DUOX1: variants seen among roughly 807,000 people sequenced by gnomAD.
The protein encoded by DUOX1 is dual oxidase 1, also known as NADPH thyroid oxidase 1.
Under a neutral mutation model 181.8 loss-of-function variants are expected in DUOX1, and 134 were observed. The observed-to-expected ratio is 0.74, with a 90% confidence interval of 0.64 to 0.85. The LOEUF (loss-of-function observed/expected upper bound fraction) is 0.85. Among genes scored for constraint, DUOX1 ranks in the 40% least tolerant of loss-of-function variants. DUOX1 has a pLI of 0.00. For missense variants in DUOX1, 1,814 were observed against 2,064.4 expected, an observed-to-expected ratio of 0.88 and a Z score of 2.35; for synonymous variants, 798 against 832.5, an observed-to-expected ratio of 0.96 and a Z score of 0.71.
intron 28 of DUOX1, among the ~76,000 whole-genome samples, chr15:45,159,088 C>T (rs900814796): frequency 1.3e-5 from 2 of 152,102 alleles, no homozygotes; most frequent in African/African-American, 4.8e-5. Flanking sequence ...GGCATGAGCA[C>T]AGGCAGAGGT....
chr15:45,155,614 G>T, intron 27 of DUOX1, 188 bp from the exon 28 acceptor site: 20 of 647,736 alleles, frequency 3.1e-5, no homozygotes, highest in Non-Finnish European at 4.8e-5. Flanking sequence ...GCTATGAAAA[G>T]TGAACAATGT....
intron 4 of DUOX1, among the ~76,000 whole-genome samples, chr15:45,134,563 T>C (rs557356452): frequency 1.3e-5 from 2 of 151,844 alleles, no homozygotes; most frequent in Non-Finnish European, 2.9e-5. Flanking sequence ...AAAAGGGGCA[T>C]CCCTCCTCGT....
At chr15:45,138,080 G>GTA in intron 10 of DUOX1, 66 bp downstream of exon 10, 2 of 786,426 alleles carry the variant, frequency 2.5e-6, no homozygotes, top group South Asian at 2.8e-5. Flanking sequence ...GTGTGTGTAT[G>GTA]TGTGTGTGTG....
Position 45,151,898 on chromosome 15 carries a change from G to A in DUOX1, c.3039G>A (p.Leu1013=). 2 of 1,612,876 alleles carry A rather than the reference G, an allele frequency of 1.2e-6. No individual in the cohort carries two copies. Among genetic ancestry groups the A allele is most frequent in the Non-Finnish European group, 1.7e-6 (2 of 1,179,532 alleles). The change falls in exon 24 of 34, where the codon CTG becomes CTA. Residue 1013 remains leucine, a synonymous_variant. Coordinates refer to ENST00000389037, the MANE Select transcript of DUOX1 (RefSeq NM_175940.3). ...GKKVTSFQPL[L]FTEAHREKFQ... is the part of the protein sequence containing the mutation. ...GGGTAACGTCATTCCAGCCCTTGCT[G>A]TTCACTGAGGCGCACCGAGAGAAGT...
chr15:45,164,664 T>G, intron 33 of DUOX1, 115 bp from the exon 34 acceptor site: 1 of 1,112,764 alleles, frequency 9.0e-7, no homozygotes, highest in Non-Finnish European at 1.3e-6. Flanking sequence ...GAGTCAGGGA[T>G]GTTGCTATGT....
chr15:45,152,313 G>A lies in DUOX1; in HGVS notation c.3221G>A (p.Gly1074Asp). The A allele has an allele frequency of 6.2e-7, 1 of 1,614,018 alleles. No homozygotes were observed. Among genetic ancestry groups the A allele is most frequent in the Non-Finnish European group, 8.5e-7 (1 of 1,179,954 alleles). The part of the protein sequence containing the change: ...YYYAFAAHHT[G>D]ITDTTRVGII... ...TACGCCTTTGCCGCACATCACACGG[G>A]CATCACAGACACCACCCGCGTGGGA... is the stretch of plus-strand genomic sequence containing the variant. Residue 1074 changes from glycine (G) to aspartate (D), a missense_variant, in exon 25 of 34, where the codon GGC (glycine) becomes GAC (aspartate). Gly to Asp is a moderately conservative substitution (Grantham distance 94, BLOSUM62 -1). Transcript: ENST00000389037.
Position 45,147,480 on chromosome 15 carries a change from C to T in DUOX1, c.2370C>T (p.Ser790=). The T allele has an allele frequency of 1.2e-6, 2 of 1,614,108 alleles. No homozygotes were observed. Among genetic ancestry groups the T allele is most frequent in the Non-Finnish European group, 1.7e-6 (2 of 1,180,008 alleles). The change falls in exon 19 of 34, where the codon TCC becomes TCT. Residue 790 remains serine, a synonymous_variant. Coordinates refer to ENST00000389037, the MANE Select transcript of DUOX1 (RefSeq NM_175940.3). ...QADAGTLPLD[S]SQKVREALTC... is the part of the protein sequence containing the mutation. The stretch of plus-strand genomic sequence containing the variant: ...ACGCAGGGACCCTGCCCCTGGACTC[C>T]TCCCAGAAGGTGCGGGAGGCCCTGA...
At chr15:45,157,038 T>C (rs1481893244) in intron 28 of DUOX1, among the ~76,000 whole-genome samples, 2 of 152,120 alleles carry the variant, frequency 1.3e-5, no homozygotes, top group Non-Finnish European at 2.9e-5. Flanking sequence ...GGGCTCTCCT[T>C]TGTGCCGAGA....
chr15:45,162,583 C>T (rs775494968), intron 31 of DUOX1, among the ~76,000 whole-genome samples: 7 of 152,210 alleles, frequency 4.6e-5, no homozygotes, highest in Non-Finnish European at 8.8e-5. Flanking sequence ...GCGGATGCCT[C>T]CAGAATCCTG....
intron 26 of DUOX1, 124 bp from the exon 27 acceptor site, chr15:45,153,820 GAGGTTGC>G (rs1486400349): frequency 1.3e-6 from 1 of 799,716 alleles, no homozygotes; most frequent in African/African-American, 1.7e-5. Flanking sequence ...CCAGGAGGTG[GAGGTTGC>G]AGTGAGCCAA....
chr15:45,142,586 A>G (rs1896528918), intron 15 of DUOX1, among the ~76,000 whole-genome samples: 1 of 152,020 alleles, frequency 6.6e-6, no homozygotes, highest in African/African-American at 2.4e-5. Context: ...TTAGCCGGGC[A>G]TGGTGGCGCA....
At chr15:45,143,158 G>A (rs765512371) in intron 15 of DUOX1, 32 bp from the exon 16 acceptor site, 10 of 1,575,942 alleles carry the variant, frequency 6.3e-6, no homozygotes, top group African/African-American at 2.7e-5. Context: ...AGACCCCCAC[G>A]TCTCCCTGAA....
intron 28 of DUOX1, among the ~76,000 whole-genome samples, chr15:45,160,360 G>A (rs572671752): frequency 3.3e-4 from 50 of 152,302 alleles, no homozygotes; most frequent in African/African-American, 1.2e-3. Context: ...AGAAAGGACT[G>A]GCCGTGTTTG....
rs1363844091 is a variant in DUOX1, at chr15:45,163,925, C to T, written c.4533+7C>T. 5 of 1,613,510 alleles carry T rather than the reference C, an allele frequency of 3.1e-6. No individual in the cohort carries two copies. The highest frequency in any genetic ancestry group is 4.2e-6 in the Non-Finnish European group (5 of 1,179,704). On this transcript the variant is annotated splice_region_variant and intron_variant, in intron 33 of 33. Coordinates refer to ENST00000389037, the MANE Select transcript of DUOX1 (RefSeq NM_175940.3). ...GCAGGAGGTCCACCCCCAGGTCAGT[C>T]CAACCCATAACCAGGTTCTCTTCCT...
intron 19 of DUOX1, 115 bp from the exon 20 acceptor site, chr15:45,147,789 G>A (rs1567015096): frequency 2.6e-6 from 4 of 1,522,878 alleles, no homozygotes; most frequent in African/African-American, 1.4e-5. Flanking sequence ...GAAGCAGAGC[G>A]ACCCTTGCTG....
In DUOX1 at chr15:45,151,175, T is replaced by G. The variant is rs1362849000; in HGVS notation, c.2941T>G (p.Leu981Val). 6.2e-7 allele frequency: 1 copy of G among 1,613,986 alleles called. No homozygotes were observed. The highest frequency in any genetic ancestry group is 1.7e-5 in the Admixed American group (1 of 59,994). The change falls in exon 23 of 34, where the codon TTG (leucine) becomes GTG (valine). Residue 981 changes from leucine to valine, a missense_variant. Transcript: ENST00000389037. ...RCSRSDIETE[L>V]TPQRLQCPMD... ...TTCCCGCAGCGACATTGAGACTGAG[T>G]TGACACCTCAGAGACTGCAGTGCCC... is the stretch of plus-strand genomic sequence containing the variant.
rs549243852 is a variant in DUOX1 at position 45,134,146 on chromosome 15, C to A, written c.144C>A (p.Gly48=). 2 of 1,550,746 alleles carry A rather than the reference C, an allele frequency of 1.3e-6. No individual in the cohort carries two copies. Among genetic ancestry groups the A allele is most frequent in the Non-Finnish European group, 8.7e-7 (1 of 1,154,026 alleles). The change falls in exon 4 of 34, where the codon GGC becomes GGA. Residue 48 remains glycine, a splice_region_variant and synonymous_variant. Coordinates refer to ENST00000389037, the MANE Select transcript of DUOX1 (RefSeq NM_175940.3). ...NLMEHRWGSK[G]SRLQRLVPAS... ...TTATCCTTACCCCTCCTACCCCAGG[C>A]TCCCGGCTGCAGCGCCTGGTCCCAG...
chr15:45,156,108 A>G (rs1896963720), intron 28 of DUOX1, among the ~76,000 whole-genome samples, 179 bp downstream of exon 28: 1 of 152,182 alleles, frequency 6.6e-6, no homozygotes, highest in Non-Finnish European at 1.5e-5. Flanking sequence ...GATGACCCCA[A>G]TATGCAGCAC....
intron 9 of DUOX1, among the ~76,000 whole-genome samples, chr15:45,136,985 G>A (rs961098668): frequency 6.6e-6 from 1 of 151,840 alleles, no homozygotes; most frequent in Admixed American, 6.6e-5. Flanking sequence ...ACCTTTTGGG[G>A]GCAGAGGGTT....
Sources: gnomAD v4.1 joint callset for allele counts (sites outside exome capture counted in the v4.1 genomes callset) on GRCh38, gnomAD v4.1.1 for gene constraint, MANE v1.5 for transcripts, NCBI Gene and HGNC (gene_info 2026-07-23, HGNC 2026-07-21) for gene names.